The following NCALD variants were observed in gnomAD, a reference collection of about 807,000 sequenced individuals.
NCALD encodes the protein neurocalcin-delta.
Under a neutral mutation model 18.6 loss-of-function variants are expected in NCALD, and 10 were observed. The observed-to-expected ratio is 0.54, with a 90% confidence interval of 0.33 to 0.91. The LOEUF is 0.91. NCALD is among the 40% of genes least tolerant of loss of function. NCALD has a pLI of 0.03. For synonymous variants in NCALD, 88 were observed against 87.4 expected (o/e 1.01, Z -0.04); for missense variants, 184 against 247.6 (o/e 0.74, Z 1.72).
At chr8:101,823,167 T>G (rs1330817447) in intron 4 of NCALD, among the ~76,000 whole-genome samples, 1 of 152,224 alleles carries the variant, frequency 6.6e-6, no homozygotes, top group African/African-American at 2.4e-5. Context: ...AGAATAATTT[T>G]GGCAAGTAGT....
At chr8:101,953,773 C>T (rs971656309) in intron 2 of NCALD, among the ~76,000 whole-genome samples, 1 of 152,192 alleles carries the variant, frequency 6.6e-6, no homozygotes, top group African/African-American at 2.4e-5. Flanking sequence ...GACTGCGTCA[C>T]CTTTTGTTGA....
chr8:101,963,998 T>C (rs1323243513), intron 2 of NCALD, among the ~76,000 whole-genome samples: 1 of 152,228 alleles, frequency 6.6e-6, no homozygotes, highest in African/African-American at 2.4e-5. Context: ...CAGTACATCC[T>C]ATTATTTTAA....
chr8:101,925,341 C>T lies in NCALD; in HGVS notation c.-156-9483G>A, dbSNP rs905668034. Among the ~76,000 whole-genome samples the T allele has an allele frequency of 5.3e-5, 8 of 151,956 alleles. No homozygotes were observed. The East Asian group carries it at 1.3e-3, about 26-fold the overall frequency. On this transcript the variant is annotated intron_variant, in intron 2 of 6. Transcript: ENST00000311028. ...CATTTATTCAGCATCCACCAAGAGGCAGGGGTAGGGTACTTTAAGGTGCTC... is the reference window on the plus strand; with the variant it reads ...CATTTATTCAGCATCCACCAAGAGGTAGGGGTAGGGTACTTTAAGGTGCTC...
chr8:101,912,359 A>C (rs1308192985), intron 3 of NCALD, among the ~76,000 whole-genome samples: 1 of 152,166 alleles, frequency 6.6e-6, no homozygotes, highest in African/African-American at 2.4e-5. Context: ...AGGTGTACAG[A>C]CATTGTTGCT....
At chr8:101,925,595 A>G (rs1818309620) in intron 2 of NCALD, among the ~76,000 whole-genome samples, 2 of 152,150 alleles carry the variant, frequency 1.3e-5, no homozygotes, top group African/African-American at 4.8e-5. Flanking sequence ...TCACAGACAC[A>G]TTATTTATAT....
intron 2 of NCALD, among the ~76,000 whole-genome samples, chr8:101,717,760 A>C (rs1465425239): frequency 6.6e-6 from 1 of 152,150 alleles, no homozygotes; most frequent in Non-Finnish European, 1.5e-5. Flanking sequence ...GTGGGTTTTC[A>C]AAAAGGGAGG....
intron 4 of NCALD, among the ~76,000 whole-genome samples, chr8:101,881,633 T>C (rs2131462082): frequency 6.6e-6 from 1 of 152,298 alleles, no homozygotes; most frequent in African/African-American, 2.4e-5. Flanking sequence ...CTTTGTGGCA[T>C]TAAGACTCTC....
intron 1 of NCALD, among the ~76,000 whole-genome samples, chr8:101,751,359 G>A (rs1810650297): frequency 1.3e-5 from 2 of 152,150 alleles, no homozygotes; most frequent in South Asian, 4.1e-4. Flanking sequence ...GGAAGGAGAT[G>A]ACTGGAGAGT....
At chr8:101,773,618 C>T (rs1343258727) in intron 1 of NCALD, among the ~76,000 whole-genome samples, 6 of 152,182 alleles carry the variant, frequency 3.9e-5, no homozygotes, top group Non-Finnish European at 7.3e-5. Context: ...ATGCCCAGGC[C>T]TCATACTTGA....
At chr8:101,745,558 G>A (rs1410591325) in intron 1 of NCALD, among the ~76,000 whole-genome samples, 1 of 152,204 alleles carries the variant, frequency 6.6e-6, no homozygotes, top group South Asian at 2.1e-4. Context: ...GGTTAAGACA[G>A]TTCTTTTCTG....
chr8:101,702,679 TG>T (rs1815324390), intron 2 of NCALD, among the ~76,000 whole-genome samples: 1 of 152,254 alleles, frequency 6.6e-6, no homozygotes, highest in South Asian at 2.1e-4. Context: ...AGCCTTAACA[TG>T]GGAAGAACTT....
chr8:101,947,417 G>A (rs1398545524), intron 2 of NCALD, among the ~76,000 whole-genome samples: 4 of 152,174 alleles, frequency 2.6e-5, no homozygotes, highest in African/African-American at 9.7e-5. Flanking sequence ...AATTTTGTGA[G>A]AGTTTTCATG....
At chr8:101,947,495 T>C (rs1819221189) in intron 2 of NCALD, among the ~76,000 whole-genome samples, 1 of 152,060 alleles carries the variant, frequency 6.6e-6, no homozygotes, top group Admixed American at 6.5e-5. Flanking sequence ...GTTCCCTAAT[T>C]TAAAAAAATT....
intron 3 of NCALD, among the ~76,000 whole-genome samples, chr8:101,915,034 TGTGCCA>T (rs1817927390): frequency 6.6e-6 from 1 of 152,246 alleles, no homozygotes; most frequent in Non-Finnish European, 1.5e-5. Context: ...GTGATTACCA[TGTGCCA>T]GTCACTCTTT....
intron 3 of NCALD, among the ~76,000 whole-genome samples, chr8:101,894,731 ACACC>A (rs1190483159): frequency 8.6e-5 from 13 of 151,572 alleles, no homozygotes; most frequent in Non-Finnish European, 1.6e-4. Context: ...AATACTACAA[ACACC>A]TCTACGGAAA....
At chr8:101,903,715 C>T (rs1817516904) in intron 3 of NCALD, among the ~76,000 whole-genome samples, 1 of 152,176 alleles carries the variant, frequency 6.6e-6, no homozygotes, top group South Asian at 2.1e-4. Context: ...GCCACAAAGG[C>T]ATCCCTGCTC....
intron 1 of NCALD, among the ~76,000 whole-genome samples, chr8:102,072,489 C>T (rs551255500): frequency 4.5e-4 from 69 of 152,272 alleles, no homozygotes; most frequent in Middle Eastern, 3.4e-3. Context: ...ACAGTATCAT[C>T]TGGCTAAGTT....
intron 1 of NCALD, among the ~76,000 whole-genome samples, chr8:101,723,256 A>AT (rs1436127301): frequency 1.3e-5 from 2 of 151,940 alleles, no homozygotes; most frequent in African/African-American, 4.8e-5. Context: ...TCTTTTAATA[A>AT]TTTTTTCTCT....
intron 3 of NCALD, among the ~76,000 whole-genome samples, chr8:101,912,323 T>C (rs1013853364): frequency 2.6e-5 from 4 of 152,144 alleles, no homozygotes; most frequent in African/African-American, 9.7e-5. Context: ...ATCATGTTAT[T>C]TGAACTTTTA....
Sources: gnomAD v4.1 joint callset for allele counts (sites outside exome capture counted in the v4.1 genomes callset) on GRCh38, gnomAD v4.1.1 for gene constraint, MANE v1.5 for transcripts, NCBI Gene and HGNC (gene_info 2026-07-23, HGNC 2026-07-21) for gene names.